Variants in SASH1 observed in about 807,000 individuals in gnomAD.
SASH1 encodes SAM and SH3 domain-containing protein 1.
A neutral mutation model predicts 125.2 loss-of-function variants in SASH1; 44 were observed. The observed-to-expected ratio is 0.35, with a 90% CI of 0.28 to 0.45. SASH1 has a LOEUF of 0.45. Among genes scored for constraint, SASH1 ranks in the 20% least tolerant of loss-of-function variants. The pLI is 1.00. For synonymous variants in SASH1, 639 were observed against 649.1 expected (o/e 0.98, Z 0.24); for missense variants, 1,426 against 1,614.5 (o/e 0.88, Z 2.00).
chr6:148,299,805 A>G (rs777032217), intron 1 of SASH1, among the ~76,000 whole-genome samples: 5 of 152,150 alleles, frequency 3.3e-5, no homozygotes, highest in Admixed American at 6.5e-5. Context: ...TCAGGATGCT[A>G]TCTTTGGTTA....
intron 1 of SASH1, among the ~76,000 whole-genome samples, chr6:148,376,527 T>A (rs1401795258): frequency 6.6e-6 from 1 of 152,208 alleles, no homozygotes; most frequent in Non-Finnish European, 1.5e-5. Context: ...TATGCATGTT[T>A]TCCGTGGCTA....
intron 7 of SASH1, chr6:148,479,630 TG>T: frequency 6.3e-6 from 1 of 159,160 alleles, no homozygotes. Flanking sequence ...ATGGTTTACA[TG>T]GAAAGGAAAT....
intron 2 of SASH1, among the ~76,000 whole-genome samples, chr6:148,439,483 T>C (rs55948931): frequency 0.21 from 32,249 of 152,054 alleles, 4,001 homozygotes; most frequent in African/African-American, 0.34. Flanking sequence ...TTTAGAACTT[T>C]AAAATTGGAT....
chr6:148,299,742 C>T (rs931884210), intron 1 of SASH1, among the ~76,000 whole-genome samples: 2 of 151,316 alleles, frequency 1.3e-5, no homozygotes, highest in Admixed American at 1.3e-4. Context: ...CATAAGAAGC[C>T]TTTAAGTATC....
At chr6:148,484,102 A>G (rs1583233620) in intron 7 of SASH1, among the ~76,000 whole-genome samples, 1 of 152,208 alleles carries the variant, frequency 6.6e-6, no homozygotes, top group South Asian at 2.1e-4. Context: ...AAAGAAATGA[A>G]TTTAAAAAGC....
chr6:148,448,115 A>AGAGTGTGTGCGT (rs374141600), intron 4 of SASH1, among the ~76,000 whole-genome samples: 1 of 146,816 alleles, frequency 6.8e-6, no homozygotes, highest in East Asian at 2.0e-4. Flanking sequence ...CAGTGGAGAG[A>AGAGTGTGTGCGT]GTGTGTGTGT....
intron 7 of SASH1, among the ~76,000 whole-genome samples, chr6:148,476,879 G>A (rs1562443423): frequency 6.6e-6 from 1 of 152,068 alleles, no homozygotes; most frequent in Non-Finnish European, 1.5e-5. Flanking sequence ...ATAGACCAAT[G>A]GAATAGAATA....
chr6:148,315,455 C>A lies in SASH1; in HGVS notation n.74+43078C>A, dbSNP rs78197703. Among the ~76,000 whole-genome samples the A allele has an allele frequency of 9.3e-3, 1,422 of 152,294 alleles. 19 individuals are homozygous for A. Among genetic ancestry groups the A allele is most frequent in the African/African-American group, 0.032 (1,338 of 41,564 alleles). On this transcript the variant is annotated intron_variant and non_coding_transcript_variant, in intron 1 of 3. Coordinates refer to the SASH1 transcript ENST00000367469. ...CTGAAGCCAAAGCCAATCTGTTCAA[C>A]CACTACCTTAGATTCCTTGATGAAT... is the stretch of plus-strand genomic sequence containing the variant.
chr6:148,526,181 A>G lies in SASH1; in HGVS notation c.1284+816A>G, dbSNP rs973994686. On this transcript the variant is annotated intron_variant, in intron 11 of 19. Transcript: ENST00000367467. ...CCCAGTTAAGCAATTCTCCTGCCTC[A>G]GCCTCCCGACTGGCTAGGATTACAG... Among the ~76,000 whole-genome samples, 5 of 148,322 alleles carry G rather than the reference A, an allele frequency of 3.4e-5. No homozygotes were observed. In the East Asian group the frequency reaches 1.0e-3, roughly 30 times the overall value.
At chr6:148,267,125 G>T in the SASH1 span, among the ~76,000 whole-genome samples, 1 of 152,124 alleles carries the variant, frequency 6.6e-6, no homozygotes, top group Non-Finnish European at 1.5e-5. Context: ...TACTTCACCA[G>T]GTTGTCAAGG....
At position 148,479,407 on chromosome 6, in the gene SASH1, A is replaced by C. The variant is rs1393495232; in HGVS notation, c.627+5185A>C. 4 of 206,674 alleles carry C rather than the reference A, an allele frequency of 1.9e-5. No homozygotes were observed. In the East Asian group the frequency reaches 3.5e-4, roughly 18 times the overall value. The allele number at this position is 206,674 out of a possible 1,614,324, so 12.8% of individuals were successfully genotyped here. A position where few individuals can be genotyped will look rare whatever the true frequency, so the allele number is the denominator to read the frequency against. Reference sequence around the variant, plus strand: ...TGCAGAAGATGTCTACAGTCATCTCAGGACACCTGCGTTTGGGAAGGGAGT... The same window carrying C: ...TGCAGAAGATGTCTACAGTCATCTCCGGACACCTGCGTTTGGGAAGGGAGT... On this transcript the variant is annotated intron_variant, in intron 7 of 19. Transcript: ENST00000367467.
At chr6:148,375,748 A>G (rs1219043788) in intron 1 of SASH1, among the ~76,000 whole-genome samples, 1 of 152,252 alleles carries the variant, frequency 6.6e-6, no homozygotes, top group African/African-American at 2.4e-5. Context: ...TGCCGGAACA[A>G]GAAAAGTTCC....
At chr6:148,396,419 G>A (rs1783951838) in intron 2 of SASH1, among the ~76,000 whole-genome samples, 2 of 137,318 alleles carry the variant, frequency 1.5e-5, no homozygotes, top group South Asian at 4.7e-4. Context: ...CGAGGTTGCA[G>A]TGAGCCAAGA....
At chr6:148,380,954 A>G (rs1381281825) in intron 1 of SASH1, among the ~76,000 whole-genome samples, 2 of 152,234 alleles carry the variant, frequency 1.3e-5, no homozygotes, top group Non-Finnish European at 2.9e-5. Context: ...AATACCTAGC[A>G]CAACACTCGG....
At chr6:148,357,392 T>C (rs757009133) in intron 1 of SASH1, among the ~76,000 whole-genome samples, 16 of 152,192 alleles carry the variant, frequency 1.1e-4, no homozygotes, top group Non-Finnish European at 2.4e-4. Context: ...AATACTGAGC[T>C]TATATATCTT....
intron 1 of SASH1, among the ~76,000 whole-genome samples, chr6:148,290,530 C>T (rs1247148287): frequency 3.9e-5 from 6 of 151,918 alleles, no homozygotes; most frequent in Admixed American, 6.6e-5. Flanking sequence ...GGTGTGAACC[C>T]GGGAGGCGAA....
At chr6:148,297,063 A>G (rs118072502) in intron 1 of SASH1, among the ~76,000 whole-genome samples, 1 of 152,204 alleles carries the variant, frequency 6.6e-6, no homozygotes, top group East Asian at 1.9e-4. Flanking sequence ...GTATTTCCAT[A>G]TGGACAGGAC....
chr6:148,437,609 G>A lies in SASH1; in HGVS notation c.286-2575G>A, dbSNP rs145685355. The stretch of plus-strand genomic sequence containing the variant: ...CATGAACTATAGTTCTAGCTACTTG[G>A]GAGGCTGAGGAATGGCTTGAGCTCT... On this transcript the variant is annotated intron_variant, in intron 2 of 19. Coordinates refer to ENST00000367467, the MANE Select transcript of SASH1 (RefSeq NM_015278.5). Among the ~76,000 whole-genome samples the A allele has an allele frequency of 2.6e-3, 398 of 152,300 alleles. 5 individuals carry two copies. Among genetic ancestry groups the A allele is most frequent in the African/African-American group, 9.1e-3 (377 of 41,556 alleles).
the SASH1 span, among the ~76,000 whole-genome samples, chr6:148,255,039 G>A: frequency 1.3e-5 from 2 of 152,080 alleles, no homozygotes; most frequent in African/African-American, 4.8e-5. Flanking sequence ...AAGGAATGAA[G>A]TACTAATCCA....
Sources: gnomAD v4.1 joint callset for allele counts (sites outside exome capture counted in the v4.1 genomes callset) on GRCh38, gnomAD v4.1.1 for gene constraint, MANE v1.5 for transcripts, NCBI Gene and HGNC (gene_info 2026-07-23, HGNC 2026-07-21) for gene names.